Variants in ABTB3 observed in about 807,000 individuals in gnomAD.
ABTB3 encodes the protein ankyrin repeat and BTB domain containing 3, also known as ankyrin repeat- and BTB/POZ domain-containing protein 3.
chr12:107,428,510 G>A, the ABTB3 span, among the ~76,000 whole-genome samples: 6 of 152,270 alleles, frequency 3.9e-5, no homozygotes, highest in Admixed American at 2.0e-4. Flanking sequence ...CCCAGCATCC[G>A]CACCCTCACC....
the ABTB3 span, among the ~76,000 whole-genome samples, chr12:107,495,527 A>C: frequency 0.015 from 2,249 of 152,316 alleles, 25 homozygotes; most frequent in Non-Finnish European, 0.024. Context: ...CTGGGACTCC[A>C]TCCCTAACGG....
chr12:107,357,037 A>T, the ABTB3 span, among the ~76,000 whole-genome samples: 383 of 152,364 alleles, frequency 2.5e-3, no homozygotes, highest in Non-Finnish European at 4.8e-3. Flanking sequence ...GCCCTCAAGG[A>T]GCTTAGAGGA....
At chr12:107,378,592 G>T in the ABTB3 span, among the ~76,000 whole-genome samples, 2 of 152,124 alleles carry the variant, frequency 1.3e-5, no homozygotes, top group Non-Finnish European at 2.9e-5. Context: ...ACCTGGAGAA[G>T]CCCACCAGTT....
chr12:107,341,576 T>C, the ABTB3 span, among the ~76,000 whole-genome samples: 21 of 152,186 alleles, frequency 1.4e-4, no homozygotes, highest in African/African-American at 5.1e-4. Flanking sequence ...TCTGGGAACC[T>C]CAATATGTGA....
chr12:107,571,883 A>T, the ABTB3 span, among the ~76,000 whole-genome samples: 1 of 152,232 alleles, frequency 6.6e-6, no homozygotes, highest in Non-Finnish European at 1.5e-5. Flanking sequence ...AGCATCCTGC[A>T]GTTCAGAGCT....
the ABTB3 span, among the ~76,000 whole-genome samples, chr12:107,396,083 G>A: frequency 6.6e-6 from 1 of 152,202 alleles, no homozygotes; most frequent in East Asian, 1.9e-4. Flanking sequence ...GAAGTCCTTT[G>A]GCCAAGTGCA....
chr12:107,582,469 T>C, the ABTB3 span, among the ~76,000 whole-genome samples: 1 of 152,186 alleles, frequency 6.6e-6, no homozygotes, highest in Non-Finnish European at 1.5e-5. Flanking sequence ...CTTTCCTGTC[T>C]TCAGATTTTT....
the ABTB3 span, among the ~76,000 whole-genome samples, chr12:107,443,063 T>A: frequency 6.6e-6 from 1 of 152,034 alleles, no homozygotes; most frequent in East Asian, 1.9e-4. Flanking sequence ...GAGGGCTCCA[T>A]CCTCATGACC....
the ABTB3 span, among the ~76,000 whole-genome samples, chr12:107,639,178 A>C: frequency 6.6e-6 from 1 of 152,218 alleles, no homozygotes; most frequent in African/African-American, 2.4e-5. Context: ...GGGAGAGAGC[A>C]CGTAGCACTC....
the ABTB3 span, among the ~76,000 whole-genome samples, chr12:107,483,836 G>T: frequency 2.6e-5 from 4 of 152,114 alleles, no homozygotes; most frequent in Non-Finnish European, 5.9e-5. Context: ...ACAAGCACAT[G>T]CCAGTATGCT....
the ABTB3 span, among the ~76,000 whole-genome samples, chr12:107,546,496 C>A: frequency 2.4e-3 from 363 of 152,338 alleles, 2 homozygotes; most frequent in African/African-American, 8.2e-3. Context: ...CGTGAGATTT[C>A]TTTATTCCTT....
At chr12:107,620,830 T>C in the ABTB3 span, among the ~76,000 whole-genome samples, 1 of 152,178 alleles carries the variant, frequency 6.6e-6, no homozygotes, top group African/African-American at 2.4e-5. Flanking sequence ...ACAACATTAA[T>C]TCTTAAAAAT....
At chr12:107,648,581 G>A in the ABTB3 span, among the ~76,000 whole-genome samples, 2 of 152,122 alleles carry the variant, frequency 1.3e-5, no homozygotes, top group Non-Finnish European at 2.9e-5. Flanking sequence ...TGGACATCGT[G>A]AGTCACATGA....
At chr12:107,654,815 T>TAC in the ABTB3 span, among the ~76,000 whole-genome samples, 17,345 of 141,010 alleles carry the variant, frequency 0.12, 1,128 homozygotes, top group East Asian at 0.25. Context: ...CTACATTGTA[T>TAC]ACACACACAC....
chr12:107,535,016 C>T, the ABTB3 span, among the ~76,000 whole-genome samples: 1 of 152,126 alleles, frequency 6.6e-6, no homozygotes, highest in South Asian at 2.1e-4. Flanking sequence ...TCAATATCCT[C>T]AGTGAACATA....
the ABTB3 span, among the ~76,000 whole-genome samples, chr12:107,472,149 C>T: frequency 6.6e-6 from 1 of 152,270 alleles, no homozygotes; most frequent in East Asian, 1.9e-4. Flanking sequence ...CCTCTCCACC[C>T]ATACCCATTA....
chr12:107,441,669 G>A, the ABTB3 span, among the ~76,000 whole-genome samples: 1 of 150,956 alleles, frequency 6.6e-6, no homozygotes, highest in Non-Finnish European at 1.5e-5. Flanking sequence ...CAGACACAGT[G>A]GCTCACACCT....
chr12:107,555,743 G>A, the ABTB3 span, among the ~76,000 whole-genome samples: 1 of 152,192 alleles, frequency 6.6e-6, no homozygotes, highest in Non-Finnish European at 1.5e-5. Flanking sequence ...ATGTGGCTCA[G>A]TGGCTCCTGT....
chr12:107,399,032 A>G, the ABTB3 span, among the ~76,000 whole-genome samples: 2 of 152,118 alleles, frequency 1.3e-5, no homozygotes, highest in Admixed American at 1.3e-4. Context: ...AATCCCTCAC[A>G]TTGCCTATGA....
Sources: allele counts gnomAD v4.1 joint callset (sites outside exome capture counted in the v4.1 genomes callset), GRCh38; gene constraint gnomAD v4.1.1; transcripts MANE v1.5; gene names NCBI Gene and HGNC (gene_info 2026-07-23, HGNC 2026-07-21).